Variants in RALGPS1 observed in about 807,000 individuals in gnomAD.
RALGPS1 encodes the protein ras-specific guanine nucleotide-releasing factor RalGPS1.
A neutral mutation model predicts 78.8 loss-of-function variants in RALGPS1; 19 were observed. The observed-to-expected ratio is 0.24, with a 90% CI of 0.17 to 0.35. The LOEUF (loss-of-function observed/expected upper bound fraction) is 0.35, where lower values mean the gene tolerates loss of function less well. RALGPS1 is among the 10% of genes least tolerant of loss of function. The pLI is 1.00. For synonymous variants in RALGPS1, 228 were observed against 256.3 expected (o/e 0.89, Z 1.06); for missense variants, 454 against 688.3 (o/e 0.66, Z 3.81).
chr9:127,145,170 G>A (rs1434108716), intron 8 of RALGPS1, among the ~76,000 whole-genome samples: 1 of 152,182 alleles, frequency 6.6e-6, no homozygotes, highest in East Asian at 1.9e-4. Flanking sequence ...CTGGAGGGAG[G>A]ACCAGCTTGA....
chr9:126,922,606 A>G (rs1244832599), intron 1 of RALGPS1, among the ~76,000 whole-genome samples: 1 of 152,176 alleles, frequency 6.6e-6, no homozygotes, highest in African/African-American at 2.4e-5. Context: ...TTTTCCTTCT[A>G]GGCACCATAT....
chr9:126,950,917 C>G (rs897309378), intron 1 of RALGPS1, among the ~76,000 whole-genome samples: 1 of 151,142 alleles, frequency 6.6e-6, no homozygotes, highest in African/African-American at 2.4e-5. Context: ...TGATAGACTG[C>G]TAGCAAGACT....
intron 8 of RALGPS1, among the ~76,000 whole-genome samples, chr9:127,100,990 T>G (rs1311776912): frequency 1.3e-5 from 2 of 152,212 alleles, no homozygotes; most frequent in Non-Finnish European, 2.9e-5. Context: ...GCAGGACATT[T>G]GTCTGGCACC....
At chr9:127,100,799 T>C (rs1233266619) in intron 8 of RALGPS1, among the ~76,000 whole-genome samples, 3 of 152,252 alleles carry the variant, frequency 2.0e-5, no homozygotes, top group African/African-American at 7.2e-5. Flanking sequence ...GTATTAACCC[T>C]TTCCAAGGAA....
At chr9:127,112,267 T>TCGTTTCCAA (rs1156613397) in intron 8 of RALGPS1, among the ~76,000 whole-genome samples, 22 of 152,332 alleles carry the variant, frequency 1.4e-4, no homozygotes, top group Middle Eastern at 3.4e-3. Context: ...AGTGTTTGCC[T>TCGTTTCCAA]CGTTTCCAAC....
At chr9:127,114,102 A>C (rs938670858) in intron 8 of RALGPS1, among the ~76,000 whole-genome samples, 57 of 152,172 alleles carry the variant, frequency 3.7e-4, no homozygotes, top group African/African-American at 1.4e-3. Flanking sequence ...TATCTCACTT[A>C]ATCTTCCCAA....
At chr9:126,957,241 C>T (rs1006636109) in intron 1 of RALGPS1, among the ~76,000 whole-genome samples, 10 of 152,284 alleles carry the variant, frequency 6.6e-5, no homozygotes, top group African/African-American at 2.2e-4. Flanking sequence ...AGAGGGTGTG[C>T]GCCGATGGCC....
chr9:127,111,896 G>A (rs2054852229), intron 8 of RALGPS1, among the ~76,000 whole-genome samples: 3 of 152,220 alleles, frequency 2.0e-5, no homozygotes, highest in African/African-American at 7.2e-5. Context: ...GTTTTTACTA[G>A]TAAAAGGGTA....
At chr9:126,987,452 G>A (rs1167500904) in intron 4 of RALGPS1, among the ~76,000 whole-genome samples, 2 of 152,202 alleles carry the variant, frequency 1.3e-5, no homozygotes, top group Non-Finnish European at 2.9e-5. Flanking sequence ...TGGTGCTCTT[G>A]AGAGAAGAAA....
At chr9:127,058,523 A>T (rs562652853) in intron 7 of RALGPS1, among the ~76,000 whole-genome samples, 1 of 151,988 alleles carries the variant, frequency 6.6e-6, no homozygotes, top group African/African-American at 2.4e-5. Flanking sequence ...CTGATATCGG[A>T]TATGTTGGGG....
At chr9:127,035,576 G>C (rs902417354) in intron 5 of RALGPS1, among the ~76,000 whole-genome samples, 5 of 152,062 alleles carry the variant, frequency 3.3e-5, no homozygotes, top group African/African-American at 1.2e-4. Context: ...TTCCCTTTGG[G>C]CCCTCTCTCC....
chr9:126,977,500 CA>C (rs1261304717), intron 3 of RALGPS1, among the ~76,000 whole-genome samples, 194 bp from the exon 4 acceptor site: 2 of 152,072 alleles, frequency 1.3e-5, no homozygotes, highest in Non-Finnish European at 2.9e-5. Flanking sequence ...GGGTGTGGAT[CA>C]GAATTTATGA....
chr9:127,036,305 C>T (rs1416017573), intron 5 of RALGPS1, among the ~76,000 whole-genome samples: 1 of 152,196 alleles, frequency 6.6e-6, no homozygotes, highest in Non-Finnish European at 1.5e-5. Context: ...TTGGAGCTGC[C>T]TTCTTTGGGA....
intron 4 of RALGPS1, among the ~76,000 whole-genome samples, chr9:127,021,783 T>C (rs1468613526): frequency 6.6e-6 from 1 of 152,152 alleles, no homozygotes; most frequent in African/African-American, 2.4e-5. Context: ...GTTAATCTTG[T>C]GAGCAGAGCT....
At chr9:126,940,441 ATTTTTT>A (rs56123533) in intron 1 of RALGPS1, among the ~76,000 whole-genome samples, 32 of 134,814 alleles carry the variant, frequency 2.4e-4, no homozygotes, top group Non-Finnish European at 4.5e-4. Flanking sequence ...TATATATATA[ATTTTTT>A]TTTTTTTTTT....
intron 11 of RALGPS1, among the ~76,000 whole-genome samples, chr9:127,190,910 A>AT (rs1242696599): frequency 6.6e-6 from 1 of 152,050 alleles, no homozygotes; most frequent in Non-Finnish European, 1.5e-5. Context: ...GTCAGGCTAA[A>AT]TTTTTTATTT....
intron 1 of RALGPS1, among the ~76,000 whole-genome samples, chr9:126,938,962 G>T (rs2036514802): frequency 6.6e-6 from 1 of 152,240 alleles, no homozygotes. Flanking sequence ...GAAGCAGGCT[G>T]GGTGTGGCCA....
At chr9:126,973,115 C>T (rs1411510966) in intron 3 of RALGPS1, among the ~76,000 whole-genome samples, 1 of 152,098 alleles carries the variant, frequency 6.6e-6, no homozygotes, top group Non-Finnish European at 1.5e-5. Context: ...CATCTGTAAT[C>T]CCAGCACTTT....
At chr9:126,920,052 A>T (rs945496695) in intron 1 of RALGPS1, among the ~76,000 whole-genome samples, 1 of 152,148 alleles carries the variant, frequency 6.6e-6, no homozygotes, top group African/African-American at 2.4e-5. Flanking sequence ...ATCAGAGCAC[A>T]CATCATGTTA....
Sources: allele counts gnomAD v4.1 joint callset (sites outside exome capture counted in the v4.1 genomes callset), GRCh38; gene constraint gnomAD v4.1.1; transcripts MANE v1.5; gene names NCBI Gene and HGNC (gene_info 2026-07-23, HGNC 2026-07-21).